The following ARHGEF10L variants were observed in gnomAD, a reference collection of about 807,000 sequenced individuals.
ARHGEF10L encodes the protein rho guanine nucleotide exchange factor 10-like protein.
In ARHGEF10L, 69 loss-of-function variants were observed where a neutral mutation model predicts 141.2. The observed-to-expected ratio is 0.49, with a 90% CI of 0.40 to 0.60. The LOEUF (loss-of-function observed/expected upper bound fraction) is 0.60. Among genes scored for constraint, ARHGEF10L ranks in the 20% least tolerant of loss-of-function variants. The pLI is 0.00. For synonymous variants in ARHGEF10L, 711 were observed against 718.5 expected, an observed-to-expected ratio of 0.99 and a Z score of 0.17; for missense variants, 1,482 against 1,734.3, an observed-to-expected ratio of 0.85 and a Z score of 2.58.
chr1:17,556,860 T>C (rs2077347439), intron 1 of ARHGEF10L, among the ~76,000 whole-genome samples: 1 of 152,110 alleles, frequency 6.6e-6, no homozygotes, highest in African/African-American at 2.4e-5. Flanking sequence ...GTTAGACTCT[T>C]TGAGCCTTAG....
chr1:17,516,592 A>T, the ARHGEF10L span, among the ~76,000 whole-genome samples: 1 of 152,118 alleles, frequency 6.6e-6, no homozygotes, highest in Admixed American at 6.6e-5. Flanking sequence ...GGTGGGTGAG[A>T]TGAGAAGGCA....
At chr1:17,576,723 C>T (rs2078240642) in intron 1 of ARHGEF10L, among the ~76,000 whole-genome samples, 1 of 152,232 alleles carries the variant, frequency 6.6e-6, no homozygotes, top group Non-Finnish European at 1.5e-5. Context: ...GTCCTCATTT[C>T]ATCAGCACAG....
chr1:17,635,783 A>T (rs2060963185), intron 18 of ARHGEF10L, among the ~76,000 whole-genome samples: 1 of 152,140 alleles, frequency 6.6e-6, no homozygotes, highest in South Asian at 2.1e-4. Context: ...GGTGGGCATT[A>T]ATAAGTGTTC....
chr1:17,685,394 C>G (rs2064486883), intron 26 of ARHGEF10L, among the ~76,000 whole-genome samples: 1 of 152,154 alleles, frequency 6.6e-6, no homozygotes, highest in Non-Finnish European at 1.5e-5. Flanking sequence ...CTCATTCCTG[C>G]CTCCGGGCCT....
chr1:17,657,559 C>T (rs1299024668), intron 25 of ARHGEF10L, among the ~76,000 whole-genome samples: 2 of 152,324 alleles, frequency 1.3e-5, no homozygotes, highest in East Asian at 3.9e-4. Context: ...GCTGTGATTG[C>T]CGCGTCATCA....
intron 21 of ARHGEF10L, among the ~76,000 whole-genome samples, chr1:17,647,844 A>G (rs1472365548): frequency 2.0e-5 from 3 of 152,144 alleles, no homozygotes; most frequent in Admixed American, 2.0e-4. Flanking sequence ...GAGCCTCCAC[A>G]GAGAACGAGG....
intron 26 of ARHGEF10L, among the ~76,000 whole-genome samples, chr1:17,685,330 T>C (rs1282917928): frequency 6.6e-6 from 1 of 152,228 alleles, no homozygotes; most frequent in Admixed American, 6.5e-5. Flanking sequence ...AATCTGGCCC[T>C]ACCTGCTCTG....
intron 10 of ARHGEF10L, among the ~76,000 whole-genome samples, chr1:17,620,759 A>G (rs2060064818): frequency 6.6e-6 from 1 of 152,086 alleles, no homozygotes; most frequent in South Asian, 2.1e-4. Flanking sequence ...TCCCAACCCG[A>G]GATCGAGAGG....
chr1:17,588,842 G>T lies in ARHGEF10L; in HGVS notation c.257+363G>T, dbSNP rs571421043. 1.0e-4 allele frequency among the ~76,000 whole-genome samples: 14 copies of T among 134,918 alleles called. No homozygotes were observed. In the South Asian group the frequency reaches 3.4e-3, roughly 33 times the overall value. The allele number at this position is 134,918 out of a possible 152,430, so 88.5% of individuals were successfully genotyped here. A position where few individuals can be genotyped will look rare whatever the true frequency, so the allele number is the denominator to read the frequency against. ...GTCTTGGAGAAGCAAACAGCTGGAGGGTCCCCAGTGTGTGTGTGTGTGTGT... is the reference window on the plus strand; with the variant it reads ...GTCTTGGAGAAGCAAACAGCTGGAGTGTCCCCAGTGTGTGTGTGTGTGTGT... On this transcript the variant is annotated intron_variant, in intron 4 of 28. Transcript: ENST00000361221.
rs1252408115 is a variant in ARHGEF10L, at chr1:17,623,394, G to A, written c.1200+219G>A. Among the ~76,000 whole-genome samples, 1 of 152,164 alleles carries A rather than the reference G, an allele frequency of 6.6e-6. No homozygotes were observed. Among genetic ancestry groups the A allele is most frequent in the African/African-American group, 2.4e-5 (1 of 41,432 alleles). On this transcript the variant is annotated intron_variant, in intron 12 of 28. Transcript: ENST00000361221. This position sits in a 1 kb window ranked among gnomAD's most constrained non-coding sequence, Gnocchi z 4.7. Reference sequence around the variant, plus strand: ...GATATACCTGGCAGGCCATGGTGCTGATGAAGCCAGGTGGCTGTCCTGGCT... The same window carrying A: ...GATATACCTGGCAGGCCATGGTGCTAATGAAGCCAGGTGGCTGTCCTGGCT...
chr1:17,684,804 G>T (rs2064425897), intron 26 of ARHGEF10L, among the ~76,000 whole-genome samples: 1 of 152,140 alleles, frequency 6.6e-6, no homozygotes, highest in African/African-American at 2.4e-5. Flanking sequence ...TGACCCTGGG[G>T]AGAGGAACCA....
At chr1:17,651,470 G>A (rs1426358223) in intron 22 of ARHGEF10L, among the ~76,000 whole-genome samples, 4 of 152,198 alleles carry the variant, frequency 2.6e-5, no homozygotes, top group Non-Finnish European at 5.9e-5. Flanking sequence ...TTTATGGTGG[G>A]CGTTGGATTC....
At chr1:17,662,044 A>G (rs552172055) in intron 25 of ARHGEF10L, among the ~76,000 whole-genome samples, 2 of 152,198 alleles carry the variant, frequency 1.3e-5, no homozygotes, top group Non-Finnish European at 2.9e-5. Context: ...TGAAGTCAAC[A>G]CTTGCTTCCA....
chr1:17,640,638 T>C (rs965414878), intron 21 of ARHGEF10L, among the ~76,000 whole-genome samples: 7 of 152,010 alleles, frequency 4.6e-5, no homozygotes, highest in African/African-American at 1.7e-4. Context: ...GTGGAGGTGA[T>C]GAAAATGTTC....
chr1:17,661,636 G>T (rs1474696882), intron 25 of ARHGEF10L, among the ~76,000 whole-genome samples: 1 of 152,166 alleles, frequency 6.6e-6, no homozygotes, highest in African/African-American at 2.4e-5. Context: ...TTTTGGGGGG[G>T]TGTTTTCTCA....
intron 21 of ARHGEF10L, among the ~76,000 whole-genome samples, chr1:17,646,360 G>T (rs866098097): frequency 3.3e-5 from 5 of 152,166 alleles, no homozygotes; most frequent in Admixed American, 3.3e-4. Flanking sequence ...TCAGATTAAC[G>T]TTCATGTCGT....
intron 21 of ARHGEF10L, among the ~76,000 whole-genome samples, chr1:17,645,861 T>C (rs1267545718): frequency 1.3e-5 from 2 of 152,186 alleles, no homozygotes; most frequent in African/African-American, 2.4e-5. Context: ...GCTGTGAGGA[T>C]GCAGTGAGGC....
intron 26 of ARHGEF10L, among the ~76,000 whole-genome samples, chr1:17,686,529 G>A (rs867991108): frequency 2.6e-5 from 4 of 152,186 alleles, no homozygotes; most frequent in Admixed American, 1.3e-4. Context: ...GCGGGGTGGG[G>A]CCTGCCTCCT....
intron 22 of ARHGEF10L, among the ~76,000 whole-genome samples, chr1:17,653,465 C>G (rs1273663841): frequency 6.6e-6 from 1 of 152,208 alleles, no homozygotes; most frequent in African/African-American, 2.4e-5. Context: ...GGAAATGCCT[C>G]AGCAGGGGCT....
Sources: allele counts gnomAD v4.1 joint callset (sites outside exome capture counted in the v4.1 genomes callset), GRCh38; gene constraint gnomAD v4.1.1; non-coding constraint Gnocchi (gnomAD v3.1); transcripts MANE v1.5; gene names NCBI Gene and HGNC (gene_info 2026-07-23, HGNC 2026-07-21).